ADARB2: variants seen among roughly 807,000 people sequenced by gnomAD.
The protein encoded by ADARB2 is inactive double-stranded RNA-specific editase B2.
ADARB2 carries 25 observed loss-of-function variants against 62.2 expected under a neutral mutation model. The observed-to-expected ratio is 0.40, with a 90% CI of 0.29 to 0.56. The LOEUF is 0.56. ADARB2 is among the 20% of genes least tolerant of loss of function. ADARB2 has a pLI of 0.43. For missense variants in ADARB2, 1,071 were observed against 1,077.4 expected, an observed-to-expected ratio of 0.99 and a Z score of 0.08; for synonymous variants, 572 against 500.8, an observed-to-expected ratio of 1.14 and a Z score of -1.90.
At chr10:1,657,540 C>A (rs1203251230) in intron 1 of ADARB2, among the ~76,000 whole-genome samples, 1 of 152,216 alleles carries the variant, frequency 6.6e-6, no homozygotes, top group Non-Finnish European at 1.5e-5. Context: ...TCTCTCTCCC[C>A]TCTGAAGCCA....
At chr10:1,456,061 C>G (rs1369810978) in intron 1 of ADARB2, among the ~76,000 whole-genome samples, 1 of 152,160 alleles carries the variant, frequency 6.6e-6, no homozygotes, top group Non-Finnish European at 1.5e-5. Flanking sequence ...GTATGCTTTT[C>G]CAGGCACATT....
At chr10:1,497,309 A>G (rs1831705837) in intron 1 of ADARB2, among the ~76,000 whole-genome samples, 1 of 152,182 alleles carries the variant, frequency 6.6e-6, no homozygotes, top group African/African-American at 2.4e-5. Flanking sequence ...TGATTAGACA[A>G]TTCGTGCCCC....
In ADARB2 at chr10:1,615,433, C is replaced by T. The variant is rs574102511; in HGVS notation, c.100+121618G>A. 3.5e-4 allele frequency among the ~76,000 whole-genome samples: 54 copies of T among 152,382 alleles called. 1 individual carries two copies. In the South Asian group the frequency reaches 0.011, roughly 30 times the overall value. On this transcript the variant is annotated intron_variant, in intron 1 of 9. Transcript: ENST00000381312. ...CTCACTGCCATCGCCAGTTACCCAC[C>T]ACCCAGAGGCCCAGGATGCGCGGTA...
intron 1 of ADARB2, among the ~76,000 whole-genome samples, chr10:1,712,611 C>CTTT (rs763837957): frequency 7.2e-6 from 1 of 138,682 alleles, no homozygotes; most frequent in African/African-American, 2.7e-5. Flanking sequence ...ACCACCATTA[C>CTTT]TTTTTTTTTT....
chr10:1,498,911 C>T (rs1265198103), intron 1 of ADARB2, among the ~76,000 whole-genome samples: 1 of 151,998 alleles, frequency 6.6e-6, no homozygotes, highest in African/African-American at 2.4e-5. Flanking sequence ...TCACTCATCA[C>T]TCAACACTCA....
At chr10:1,569,144 G>C (rs1393939035) in intron 1 of ADARB2, among the ~76,000 whole-genome samples, 1 of 151,832 alleles carries the variant, frequency 6.6e-6, no homozygotes, top group Non-Finnish European at 1.5e-5. Context: ...GAGAGACAGA[G>C]AGTCAGAGAG....
intron 1 of ADARB2, among the ~76,000 whole-genome samples, chr10:1,513,704 C>G (rs1000466614): frequency 3.3e-5 from 5 of 152,206 alleles, no homozygotes; most frequent in Admixed American, 3.3e-4. Context: ...TGTGGAGGGA[C>G]TCAGTGTCAG....
chr10:1,394,904 C>T (rs1163338787), intron 1 of ADARB2: 2 of 456,598 alleles, frequency 4.4e-6, no homozygotes, highest in Non-Finnish European at 8.8e-6. Context: ...TTCCTCCCTC[C>T]TCCTCCTTCT....
At chr10:1,318,486 G>A (rs964203021) in intron 3 of ADARB2, among the ~76,000 whole-genome samples, 1 of 152,164 alleles carries the variant, frequency 6.6e-6, no homozygotes, top group Non-Finnish European at 1.5e-5. Context: ...CCTGGTGTGG[G>A]GAGTGGTTTG....
chr10:1,704,145 G>A lies in ADARB2; in HGVS notation c.100+32906C>T, dbSNP rs556407482. Among the ~76,000 whole-genome samples the A allele has an allele frequency of 5.9e-5, 9 of 152,322 alleles. No homozygotes were observed. The South Asian group carries it at 1.9e-3, about 32-fold the overall frequency. Reference sequence around the variant, plus strand: ...CAGCGGTCCTGTCCCCAACCTTTCTGGCACCAGGGATGGCTGGTTTTGTGG... The same window carrying A: ...CAGCGGTCCTGTCCCCAACCTTTCTAGCACCAGGGATGGCTGGTTTTGTGG... On this transcript the variant is annotated intron_variant, in intron 1 of 9. Transcript: ENST00000381312. This position sits in a 1 kb window ranked among gnomAD's most constrained non-coding sequence, Gnocchi z 5.6.
At chr10:1,394,748 G>C (rs150662243) in intron 1 of ADARB2, 10 of 430,668 alleles carry the variant, frequency 2.3e-5, no homozygotes, top group Non-Finnish European at 4.2e-5. Context: ...TCTGAAGCCA[G>C]GGCCTGAGAT....
chr10:1,483,456 G>C (rs980297423), intron 1 of ADARB2, among the ~76,000 whole-genome samples: 2 of 152,106 alleles, frequency 1.3e-5, no homozygotes, highest in Non-Finnish European at 2.9e-5. Context: ...CAGTCGTTTC[G>C]TCCTAGCTAT....
intron 3 of ADARB2, among the ~76,000 whole-genome samples, chr10:1,302,996 T>G (rs1831589622): frequency 6.6e-6 from 1 of 152,196 alleles, no homozygotes; most frequent in African/African-American, 2.4e-5. Flanking sequence ...GGAACACAGC[T>G]CCTCACCAGC....
chr10:1,517,214 C>T (rs1303995908), intron 1 of ADARB2, among the ~76,000 whole-genome samples: 3 of 151,972 alleles, frequency 2.0e-5, no homozygotes, highest in African/African-American at 7.3e-5. Context: ...AAGGGCACTA[C>T]CGTATGTGCT....
chr10:1,558,812 C>T (rs1832748731), intron 1 of ADARB2, among the ~76,000 whole-genome samples: 1 of 152,232 alleles, frequency 6.6e-6, no homozygotes, highest in Non-Finnish European at 1.5e-5. Flanking sequence ...CGAATCCCAC[C>T]TCTGCGCCCC....
At chr10:1,356,553 C>T (rs1310645533) in intron 3 of ADARB2, among the ~76,000 whole-genome samples, 2 of 152,166 alleles carry the variant, frequency 1.3e-5, no homozygotes, top group African/African-American at 2.4e-5. Context: ...CCTCCCAGGG[C>T]ACTTAGCTGA....
At chr10:1,425,659 C>T (rs1341602340) in intron 1 of ADARB2, among the ~76,000 whole-genome samples, 2 of 152,230 alleles carry the variant, frequency 1.3e-5, no homozygotes, top group Non-Finnish European at 2.9e-5. Context: ...TCTACAGCCT[C>T]TCAAGTTGCC....
At chr10:1,200,435 A>G (rs1408812397) in intron 7 of ADARB2, 1 of 468,668 alleles carries the variant, frequency 2.1e-6, no homozygotes, top group African/African-American at 2.0e-5. Context: ...TGGGACTTAG[A>G]ATTAGATTTT....
At chr10:1,595,291 C>T (rs1483129547) in intron 1 of ADARB2, among the ~76,000 whole-genome samples, 1 of 152,206 alleles carries the variant, frequency 6.6e-6, no homozygotes, top group Non-Finnish European at 1.5e-5. Context: ...AGCTTGCCTG[C>T]ATGGAATTCC....
Sources: gnomAD v4.1 joint callset for allele counts (sites outside exome capture counted in the v4.1 genomes callset) on GRCh38, gnomAD v4.1.1 for gene constraint, Gnocchi (gnomAD v3.1) non-coding constraint, MANE v1.5 for transcripts, NCBI Gene and HGNC (gene_info 2026-07-23, HGNC 2026-07-21) for gene names.